The following MITF variants were observed in gnomAD, a reference collection of about 807,000 sequenced individuals.
The protein encoded by MITF is melanocyte inducing transcription factor.
MITF carries 17 observed loss-of-function variants against 60.5 expected under a neutral mutation model. That is an observed-to-expected ratio of 0.28 (90% CI 0.19 to 0.42). The LOEUF (loss-of-function observed/expected upper bound fraction) is 0.42, where lower values mean the gene tolerates loss of function less well. Ranked by LOEUF, MITF falls within the 10% of genes least tolerant of loss-of-function variation. The probability of loss-of-function intolerance (pLI) is 1.00; values close to 1 mark genes in which losing one functional copy is unlikely to be tolerated. For synonymous variants in MITF, 260 were observed against 248.5 expected (o/e 1.05, Z -0.43); for missense variants, 622 against 683.5 (o/e 0.91, Z 1.00).
chr3:69,850,492 C>CTAT (rs3044621), intron 1 of MITF, among the ~76,000 whole-genome samples: 74,379 of 151,600 alleles, frequency 0.49, 19,946 homozygotes, highest in Non-Finnish European at 0.63. Flanking sequence ...TAATTAGCTG[C>CTAT]TATTATTATT....
In MITF at chr3:69,879,155, G is replaced by GGCCTCCAA; in HGVS notation, c.133_140dup (p.Ile48SerfsTer4). 6.2e-7 allele frequency: 1 copy of GGCCTCCAA among 1,614,134 alleles called. No individual in the cohort carries two copies. The highest frequency in any genetic ancestry group is 8.5e-7 in the Non-Finnish European group (1 of 1,180,040). ...ACAGCAGTTCCGCCGAGCATCCTGG[G>GGCCTCCAA]GCCTCCAAGCCTCCGATAAGCTCCT... On this transcript the variant is annotated frameshift_variant, in exon 2 of 10. Transcript: ENST00000352241. LOFTEE classifies it high-confidence loss of function.
At chr3:69,939,286 GTTTT>G in intron 4 of MITF, 105 bp downstream of exon 4, 1 of 757,072 alleles carries the variant, frequency 1.3e-6, no homozygotes, top group Non-Finnish European at 2.1e-6. Flanking sequence ...TTCCCCCATT[GTTTT>G]TTTTTTTTTT....
At chr3:69,949,560 C>G (rs1036843200) in intron 6 of MITF, among the ~76,000 whole-genome samples, 2 of 152,142 alleles carry the variant, frequency 1.3e-5, no homozygotes, top group African/African-American at 2.4e-5. Context: ...GAACCCAGAT[C>G]TGAATTTTCC....
chr3:69,950,133 A>G (rs1347491149), intron 6 of MITF, among the ~76,000 whole-genome samples: 1 of 152,026 alleles, frequency 6.6e-6, no homozygotes, highest in African/African-American at 2.4e-5. Flanking sequence ...AACAACAACA[A>G]AAGCAAGAAT....
At position 69,879,326 on chromosome 3, in the gene MITF, C is replaced by T. The variant is rs767050369; in HGVS notation, c.297C>T (p.Asn99=). 1.7e-5 allele frequency: 27 copies of T among 1,614,234 alleles called. No individual in the cohort carries two copies. The highest frequency in any genetic ancestry group is 2.2e-5 in the Non-Finnish European group (26 of 1,180,052). Residue 99 remains asparagine, a synonymous_variant, in exon 2 of 10, where the codon AAC becomes AAT. Transcript: ENST00000352241. ...RVPVSQTPAI[N]VSVPTTLPSA... ...CCGTGAGTCAGACACCAGCCATAAA[C>T]GTCAGTGTGCCCACCACCCTTCCCT...
intron 5 of MITF, among the ~76,000 whole-genome samples, chr3:69,948,157 G>A (rs1304958589): frequency 1.3e-5 from 2 of 152,098 alleles, no homozygotes; most frequent in African/African-American, 4.8e-5. Context: ...TGTCTGCAGT[G>A]GAAGGAGTGA....
At chr3:69,749,023 T>A (rs1220899968) in intron 1 of MITF, among the ~76,000 whole-genome samples, 1 of 152,206 alleles carries the variant, frequency 6.6e-6, no homozygotes, top group Non-Finnish European at 1.5e-5. Flanking sequence ...CTAGGAAGCA[T>A]GTTTTTCAAA....
At chr3:69,756,240 C>T (rs1265695948) in intron 1 of MITF, among the ~76,000 whole-genome samples, 1 of 152,012 alleles carries the variant, frequency 6.6e-6, no homozygotes, top group Non-Finnish European at 1.5e-5. Flanking sequence ...AGGTTTCAAG[C>T]CCTACATGCA....
intron 1 of MITF, among the ~76,000 whole-genome samples, chr3:69,764,889 A>C (rs1245450121): frequency 1.3e-5 from 2 of 152,164 alleles, no homozygotes; most frequent in Non-Finnish European, 2.9e-5. Context: ...TCTACACATT[A>C]ATTTTTCTGG....
intron 3 of MITF, chr3:69,938,463 C>G (rs1206745016): frequency 1.4e-6 from 2 of 1,478,628 alleles, no homozygotes; most frequent in African/African-American, 1.4e-5. Flanking sequence ...TTGTGAATGT[C>G]TGGAATATTA....
At chr3:69,764,231 A>C (rs2062255795) in intron 1 of MITF, among the ~76,000 whole-genome samples, 1 of 152,216 alleles carries the variant, frequency 6.6e-6, no homozygotes, top group Non-Finnish European at 1.5e-5. Flanking sequence ...GATTCACTGC[A>C]AAGTGCATTA....
chr3:69,788,217 G>A (rs1422622297), intron 1 of MITF, among the ~76,000 whole-genome samples: 1 of 149,764 alleles, frequency 6.7e-6, no homozygotes, highest in African/African-American at 2.5e-5. Flanking sequence ...CATGTGCCAT[G>A]TTGGTGTGCT....
intron 1 of MITF, among the ~76,000 whole-genome samples, chr3:69,810,094 T>C (rs1363002235): frequency 6.6e-6 from 1 of 152,276 alleles, no homozygotes; most frequent in East Asian, 1.9e-4. Flanking sequence ...TGAGTATTCA[T>C]TTTAAGCACG....
chr3:69,885,609 C>T (rs2064595148), intron 2 of MITF, among the ~76,000 whole-genome samples: 1 of 152,070 alleles, frequency 6.6e-6, no homozygotes, highest in Non-Finnish European at 1.5e-5. Context: ...GGTTTCTAAA[C>T]CTCCAAAGTC....
intron 1 of MITF, among the ~76,000 whole-genome samples, chr3:69,757,189 A>C: frequency 6.6e-6 from 1 of 152,156 alleles, no homozygotes; most frequent in East Asian, 1.9e-4. Context: ...GAGATTACCA[A>C]GTTTGAGTAC....
intron 8 of MITF, among the ~76,000 whole-genome samples, chr3:69,957,550 G>T (rs2066430065): frequency 6.6e-6 from 1 of 152,220 alleles, no homozygotes; most frequent in Non-Finnish European, 1.5e-5. Flanking sequence ...AAACATTTCA[G>T]ATTCTCAGTT....
At chr3:69,895,044 C>T (rs1213804462) in intron 2 of MITF, among the ~76,000 whole-genome samples, 1 of 152,152 alleles carries the variant, frequency 6.6e-6, no homozygotes, top group Non-Finnish European at 1.5e-5. Flanking sequence ...TCTGAGTCGT[C>T]TCAGACTTCC....
At chr3:69,840,939 A>G (rs1205686750) in intron 1 of MITF, among the ~76,000 whole-genome samples, 2 of 152,002 alleles carry the variant, frequency 1.3e-5, no homozygotes, top group African/African-American at 2.4e-5. Context: ...CATTTTTAGT[A>G]GAGATGGGGG....
At chr3:69,820,233 T>G (rs62251040) in intron 1 of MITF, among the ~76,000 whole-genome samples, 1 of 152,192 alleles carries the variant, frequency 6.6e-6, no homozygotes, top group Non-Finnish European at 1.5e-5. Flanking sequence ...TTCTTTTTAA[T>G]GTGGCTACTA....
Sources: allele counts gnomAD v4.1 joint callset (sites outside exome capture counted in the v4.1 genomes callset), GRCh38; gene constraint gnomAD v4.1.1; transcripts MANE v1.5; gene names NCBI Gene and HGNC (gene_info 2026-07-23, HGNC 2026-07-21).